The following GALNTL6 variants were observed in gnomAD, a reference collection of about 807,000 sequenced individuals.
GALNTL6 encodes the protein polypeptide N-acetylgalactosaminyltransferase like 6.
Under a neutral mutation model 73.7 loss-of-function variants are expected in GALNTL6, and 46 were observed. The ratio of observed to expected loss-of-function variants is 0.62; its 90% CI spans 0.49 to 0.80. The LOEUF (loss-of-function observed/expected upper bound fraction) is 0.80. Ranked by LOEUF, GALNTL6 falls within the 30% of genes least tolerant of loss-of-function variation. GALNTL6 has a pLI of 0.00. For synonymous variants in GALNTL6, 259 were observed against 263.7 expected (o/e 0.98, Z 0.17); for missense variants, 604 against 755.0 (o/e 0.80, Z 2.34).
At chr4:172,280,338 G>A (rs1374790454) in intron 3 of GALNTL6, among the ~76,000 whole-genome samples, 2 of 152,112 alleles carry the variant, frequency 1.3e-5, no homozygotes, top group African/African-American at 4.8e-5. Context: ...AGCCCCAGGA[G>A]GGAACATTCA....
chr4:172,811,837 T>C (rs867580400), intron 6 of GALNTL6, among the ~76,000 whole-genome samples: 7 of 152,356 alleles, frequency 4.6e-5, no homozygotes, highest in South Asian at 4.1e-4. Context: ...TGAAACACTA[T>C]ATAATTTAGT....
chr4:172,298,560 A>C (rs1739777492), intron 3 of GALNTL6, among the ~76,000 whole-genome samples: 1 of 152,186 alleles, frequency 6.6e-6, no homozygotes, highest in African/African-American at 2.4e-5. Flanking sequence ...TAATTTATTG[A>C]GAGTTTTTAG....
At chr4:172,391,396 C>T (rs756869808) in intron 5 of GALNTL6, among the ~76,000 whole-genome samples, 2 of 151,970 alleles carry the variant, frequency 1.3e-5, no homozygotes, top group Non-Finnish European at 2.9e-5. Context: ...GCTGAAAGTC[C>T]GTGTCATGAT....
intron 2 of GALNTL6, among the ~76,000 whole-genome samples, chr4:172,228,195 AT>A (rs2110964117): frequency 6.6e-6 from 1 of 152,064 alleles, no homozygotes; most frequent in South Asian, 2.1e-4. Flanking sequence ...GTACTTTTCC[AT>A]TTTCTTTTAC....
intron 7 of GALNTL6, among the ~76,000 whole-genome samples, chr4:172,841,679 C>T (rs1025775967): frequency 1.3e-5 from 2 of 151,966 alleles, no homozygotes; most frequent in Non-Finnish European, 2.9e-5. Context: ...TTTATAAAAC[C>T]GTTAGGTCTC....
intron 4 of GALNTL6, among the ~76,000 whole-genome samples, chr4:172,319,624 G>A (rs1362455858): frequency 2.0e-5 from 3 of 152,000 alleles, no homozygotes; most frequent in Non-Finnish European, 2.9e-5. Context: ...ATCCTGGTAA[G>A]TATTTTTCAA....
rs1440635535 is a variant in GALNTL6 at position 172,348,648 on chromosome 4, T to A, written c.512T>A (p.Leu171Gln). ...HSIINRTPGS[L>Q]IAEIILVDDF... is the part of the protein sequence containing the mutation. ...ATAATTAACCGAACCCCAGGGAGTC[T>A]GATAGCAGAAATCATTCTAGTAGAT... Residue 171 changes from leucine to glutamine, a missense_variant, in exon 5 of 13, where the codon CTG (leucine) becomes CAG (glutamine). By Grantham distance (113) the Leu-to-Gln change is moderately radical. Transcript: ENST00000506823. 1 of 1,611,704 alleles carries A rather than the reference T, an allele frequency of 6.2e-7. No homozygotes were observed. The highest frequency in any genetic ancestry group is 8.5e-7 in the Non-Finnish European group (1 of 1,178,686).
intron 5 of GALNTL6, among the ~76,000 whole-genome samples, chr4:172,398,441 C>G (rs559146012): frequency 6.6e-6 from 1 of 152,106 alleles, no homozygotes; most frequent in Non-Finnish European, 1.5e-5. Context: ...TTCAGGGCAT[C>G]CTTGTCCAAT....
At chr4:172,331,793 G>C (rs1741134728) in intron 4 of GALNTL6, among the ~76,000 whole-genome samples, 1 of 151,834 alleles carries the variant, frequency 6.6e-6, no homozygotes, top group Admixed American at 6.6e-5. Flanking sequence ...CAAACATTTG[G>C]GTTTCTTCCA....
intron 2 of GALNTL6, among the ~76,000 whole-genome samples, chr4:172,017,878 A>G (rs894685414): frequency 1.3e-5 from 2 of 151,560 alleles, no homozygotes; most frequent in Non-Finnish European, 3.0e-5. Flanking sequence ...TCTCCAAGCC[A>G]TGGATACAGG....
chr4:173,040,961 A>G lies in GALNTL6; in HGVS notation c.*861A>G, dbSNP rs1055422577. 2.0e-5 allele frequency: 3 copies of G among 152,498 alleles called. No individual in the cohort carries two copies. The South Asian group carries it at 6.2e-4, about 32-fold the overall frequency. The allele number at this position is 152,498 out of a possible 1,614,324, so 9.4% of individuals were successfully genotyped here. On this transcript the variant is annotated 3_prime_UTR_variant, in exon 13 of 13. Coordinates refer to ENST00000506823, the MANE Select transcript of GALNTL6 (RefSeq NM_001034845.3). ...CTGGGAAATCTATTTTTACTTTTCTATTATTTTTAAAATCTTAAAAGTCTG... is the reference window on the plus strand; with the variant it reads ...CTGGGAAATCTATTTTTACTTTTCTGTTATTTTTAAAATCTTAAAAGTCTG...
At position 172,026,339 on chromosome 4, in the gene GALNTL6, T is replaced by G. The variant is rs569626599; in HGVS notation, c.139-203317T>G. ...TTTTTTCCCCAGCCTCTTACTTTGA[T>G]GTCATCAATAATGTCTAGATCATCT... On this transcript the variant is annotated intron_variant, in intron 2 of 12. Transcript: ENST00000506823. Among the ~76,000 whole-genome samples the G allele has an allele frequency of 2.6e-5, 4 of 152,230 alleles. 1 individual carries two copies. In the South Asian group the frequency reaches 8.3e-4, roughly 32 times the overall value.
At chr4:172,996,429 C>CTATTAAATA (rs77338724) in intron 10 of GALNTL6, among the ~76,000 whole-genome samples, 16,879 of 151,994 alleles carry the variant, frequency 0.11, 1,209 homozygotes, top group Non-Finnish European at 0.17. Context: ...GGAAAAATAA[C>CTATTAAATA]TATTAAATAC....
At chr4:172,894,085 A>G (rs995132811) in intron 8 of GALNTL6, among the ~76,000 whole-genome samples, 3 of 152,034 alleles carry the variant, frequency 2.0e-5, no homozygotes, top group Non-Finnish European at 2.9e-5. Context: ...GATCTGTTCA[A>G]AGTGTGATGG....
intron 2 of GALNTL6, among the ~76,000 whole-genome samples, chr4:172,167,747 A>G (rs966805592): frequency 1.4e-4 from 21 of 150,380 alleles, no homozygotes; most frequent in Admixed American, 2.7e-4. Context: ...TCATGAGGTC[A>G]GGAGATCGAG....
chr4:172,893,866 G>C (rs1174806790), intron 8 of GALNTL6, among the ~76,000 whole-genome samples: 1 of 152,162 alleles, frequency 6.6e-6, no homozygotes, highest in Non-Finnish European at 1.5e-5. Flanking sequence ...GTCTCTGAAG[G>C]TCATAGGATC....
chr4:171,910,492 C>CT (rs35598978), intron 2 of GALNTL6, among the ~76,000 whole-genome samples: 7 of 150,256 alleles, frequency 4.7e-5, no homozygotes, highest in East Asian at 3.9e-4. Context: ...TTGGAAATGT[C>CT]TTTTTTTTTA....
intron 5 of GALNTL6, among the ~76,000 whole-genome samples, chr4:172,513,929 T>A (rs1379747166): frequency 6.6e-6 from 1 of 152,208 alleles, no homozygotes. Flanking sequence ...ATACTGAGGA[T>A]CTCTGGTTAG....
chr4:172,110,868 CTT>C (rs2110978808), intron 2 of GALNTL6, among the ~76,000 whole-genome samples: 2 of 152,184 alleles, frequency 1.3e-5, no homozygotes, highest in East Asian at 3.9e-4. Context: ...TGAAGCAACT[CTT>C]ATGTTCTGGG....
Sources: gnomAD v4.1 joint callset for allele counts (sites outside exome capture counted in the v4.1 genomes callset) on GRCh38, gnomAD v4.1.1 for gene constraint, MANE v1.5 for transcripts, NCBI Gene and HGNC (gene_info 2026-07-23, HGNC 2026-07-21) for gene names.